The following PLEKHG4B variants were observed in gnomAD, a reference collection of about 807,000 sequenced individuals.
PLEKHG4B encodes pleckstrin homology domain-containing family G member 4B.
In PLEKHG4B, 111 loss-of-function variants were observed where a neutral mutation model predicts 121.3. The ratio of observed to expected loss-of-function variants is 0.92; its 90% CI spans 0.78 to 1.07. PLEKHG4B has a LOEUF of 1.07. Among genes scored for constraint, PLEKHG4B ranks in the 50% least tolerant of loss-of-function variants. The probability of loss-of-function intolerance (pLI) is 0.00; values close to 1 mark genes in which losing one functional copy is unlikely to be tolerated. For synonymous variants in PLEKHG4B, 738 were observed against 725.0 expected, an observed-to-expected ratio of 1.02 and a Z score of -0.29; for missense variants, 1,831 against 1,757.8, an observed-to-expected ratio of 1.04 and a Z score of -0.74.
At chr5:130,101 C>A (rs1734735848) in intron 2 of PLEKHG4B, among the ~76,000 whole-genome samples, 1 of 149,622 alleles carries the variant, frequency 6.7e-6, no homozygotes, top group Non-Finnish European at 1.5e-5. Flanking sequence ...AACATGCTTT[C>A]TCATCAGAAA....
chr5:169,179 C>CT lies in PLEKHG4B; in HGVS notation c.3477-155dup, dbSNP rs954246592. 32 of 996,980 alleles carry CT rather than the reference C, an allele frequency of 3.2e-5. No individual in the cohort carries two copies. In the Admixed American group the frequency reaches 3.6e-4, roughly 11 times the overall value. The allele number at this position is 996,980 out of a possible 1,614,324, so 61.8% of individuals were successfully genotyped here. Reference sequence around the variant, plus strand: ...ACGAGCCCCCACGCCTGGCCGGAAGCTTTTTTATCGTGCATCCCACATGTG... The same window carrying CT: ...ACGAGCCCCCACGCCTGGCCGGAAGCTTTTTTTATCGTGCATCCCACATGTG... On this transcript the variant is annotated intron_variant, in intron 13 of 19. Coordinates refer to ENST00000637938, the MANE Select transcript of PLEKHG4B (RefSeq NM_052909.5).
chr5:154,737 C>G, intron 7 of PLEKHG4B, 138 bp from the exon 8 acceptor site: 1 of 581,858 alleles, frequency 1.7e-6, no homozygotes, highest in South Asian at 1.8e-5. Context: ...GTGCTATTAT[C>G]AGTGCTTCCA....
At position 139,468 on chromosome 5, in the gene PLEKHG4B, C is replaced by T. The variant is rs1735083052; in HGVS notation, c.244-15C>T. On this transcript the variant is annotated splice_polypyrimidine_tract_variant and intron_variant, in intron 2 of 19. Coordinates refer to ENST00000637938, the MANE Select transcript of PLEKHG4B (RefSeq NM_052909.5). The surrounding 1 kb of genome is among the most constrained non-coding windows in gnomAD (Gnocchi z 5.0). ...GGCCGTGCCCACCACTAACCTCCCT[C>T]CTCTCTTGTCTCAGGCCAGGTACAG... 3 of 398,992 alleles carry T rather than the reference C, an allele frequency of 7.5e-6. No individual in the cohort carries two copies. Among genetic ancestry groups the T allele is most frequent in the East Asian group, 7.1e-5 (2 of 28,078 alleles). The allele number at this position is 398,992 out of a possible 1,614,324, so 24.7% of individuals were successfully genotyped here.
chr5:156,739 C>T lies in PLEKHG4B; in HGVS notation c.2349-34C>T, dbSNP rs1735794554. On this transcript the variant is annotated intron_variant, in intron 10 of 19. Transcript: ENST00000637938. The surrounding 1 kb of genome is among the most constrained non-coding windows in gnomAD (Gnocchi z 4.4). ...CAAGAGCAGATTCCTCAAGGGGCCGCCTGGAAGCCTGAGGACTGCCTTCTC... is the reference window on the plus strand; with the variant it reads ...CAAGAGCAGATTCCTCAAGGGGCCGTCTGGAAGCCTGAGGACTGCCTTCTC... 1 of 1,532,878 alleles carries T rather than the reference C, an allele frequency of 6.5e-7. No individual in the cohort carries two copies. Among genetic ancestry groups the T allele is most frequent in the Non-Finnish European group, 8.8e-7 (1 of 1,135,310 alleles). 95.0% of individuals were successfully genotyped at this position (1,532,878 alleles called of 1,614,324 possible).
At position 171,277 on chromosome 5, in the gene PLEKHG4B, C is replaced by T. The variant is rs1414906899; in HGVS notation, c.3883C>T (p.Arg1295Cys). Residue 1295 changes from arginine (R) to cysteine (C), a missense_variant, in exon 16 of 20, where the codon CGT (arginine) becomes TGT (cysteine). By Grantham distance (180) the Arg-to-Cys change is radical (BLOSUM62 -3). Coordinates refer to ENST00000637938, the MANE Select transcript of PLEKHG4B (RefSeq NM_052909.5). ...LASYLLRPVQRVAKYALLLQD... is the reference protein window; with the variant it reads ...LASYLLRPVQCVAKYALLLQD... ...CTCCTACCTGCTGCGGCCCGTGCAG[C>T]GTGTGGCCAAGTACGCGCTGCTACT... is the stretch of plus-strand genomic sequence containing the variant. 1.1e-5 allele frequency: 18 copies of T among 1,611,590 alleles called. No homozygotes were observed. Among genetic ancestry groups the T allele is most frequent in the African/African-American group, 2.7e-5 (2 of 74,904 alleles).
chr5:131,086 C>T (rs1156479028), intron 2 of PLEKHG4B, among the ~76,000 whole-genome samples: 1 of 151,586 alleles, frequency 6.6e-6, no homozygotes, highest in Non-Finnish European at 1.5e-5. Context: ...ATGCCCCACG[C>T]CTCTGCAAGT....
At chr5:128,607 C>G (rs945238039) in intron 2 of PLEKHG4B, among the ~76,000 whole-genome samples, 45 of 152,292 alleles carry the variant, frequency 3.0e-4, no homozygotes, top group African/African-American at 1.1e-3. Flanking sequence ...CCAGTGGGGC[C>G]AAGAGCTGAA....
intron 2 of PLEKHG4B, among the ~76,000 whole-genome samples, chr5:125,707 T>C (rs1579259511): frequency 6.6e-6 from 1 of 152,228 alleles, no homozygotes; most frequent in East Asian, 1.9e-4. Context: ...GAAATCTTTA[T>C]TTCTTCATAG....
rs116548696 is a variant in PLEKHG4B at position 124,644 on chromosome 5, C to T, written c.243+11196C>T. 4.9e-3 allele frequency among the ~76,000 whole-genome samples: 751 copies of T among 152,288 alleles called. 3 individuals are homozygous for T. Among genetic ancestry groups the T allele is most frequent in the African/African-American group, 0.014 (569 of 41,542 alleles). ...CCTTTTCTTAATATATAAGGTTCTT[C>T]ATGGTATCTGGTAACATTTTATGAT... On this transcript the variant is annotated intron_variant, in intron 2 of 19. Transcript: ENST00000637938.
At chr5:170,955 G>T (rs753117884) in intron 14 of PLEKHG4B, 88 bp from the exon 15 acceptor site, 157 of 1,042,412 alleles carry the variant, frequency 1.5e-4, no homozygotes, top group Non-Finnish European at 2.2e-4. Flanking sequence ...TGGGACGGGA[G>T]CAGTTCCAAG....
Position 182,188 on chromosome 5 carries a change from C to A in PLEKHG4B, c.4749C>A (p.Ala1583=). The A allele has an allele frequency of 6.2e-7, 1 of 1,613,984 alleles. No individual in the cohort carries two copies. Among genetic ancestry groups the A allele is most frequent in the South Asian group, 1.1e-5 (1 of 91,086 alleles). The part of the protein sequence containing the change: ...SPAHPGLWSP[A]HSPWSSDIRA... ...CCCACCCGGGCCTATGGAGCCCTGC[C>A]CACAGCCCCTGGTCATCTGATATCA... Residue 1583 remains alanine, a synonymous_variant, in exon 20 of 20, where the codon GCC becomes GCA. Transcript: ENST00000637938.
In PLEKHG4B at chr5:188,970, C is replaced by T. The variant is rs1312933003; in HGVS notation, c.*6647C>T. The T allele has an allele frequency of 6.6e-6, 1 of 152,288 alleles. No individual in the cohort carries two copies. Among genetic ancestry groups the T allele is most frequent in the African/African-American group, 2.4e-5 (1 of 41,478 alleles). The allele number at this position is 152,288 out of a possible 1,614,324, so 9.4% of individuals were successfully genotyped here. ...GACGTGAGTAACAGCAGTTTTTCTT[C>T]TGACAGCTGGGATGGAGGTGGGTCC... On this transcript the variant is annotated 3_prime_UTR_variant, in exon 20 of 20. Coordinates refer to ENST00000637938, the MANE Select transcript of PLEKHG4B (RefSeq NM_052909.5).
intron 1 of PLEKHG4B, among the ~76,000 whole-genome samples, chr5:100,149 T>A (rs527774159): frequency 6.6e-6 from 1 of 152,202 alleles, no homozygotes; most frequent in Non-Finnish European, 1.5e-5. Context: ...GATTTAGAAC[T>A]AATTTTTTGA....
In PLEKHG4B at chr5:172,995, C is replaced by T. The variant is rs1003564319; in HGVS notation, c.4149C>T (p.Asp1383=). 3 of 1,614,006 alleles carry T rather than the reference C, an allele frequency of 1.9e-6. No individual in the cohort carries two copies. Among genetic ancestry groups the T allele is most frequent in the Non-Finnish European group, 2.5e-6 (3 of 1,180,018 alleles). ...KYLRHVFLFE[D]LILFSKTQKV... is the part of the protein sequence containing the mutation. ...TGAGGCATGTGTTCCTCTTTGAAGA[C>T]CTCATCCTGTTTAGCAAGACCCAGA... The change falls in exon 17 of 20, where the codon GAC becomes GAT. Residue 1383 remains aspartate (D), a synonymous_variant. Transcript: ENST00000637938.
chr5:162,631 A>G, intron 12 of PLEKHG4B, 91 bp from the exon 13 acceptor site: 1 of 989,164 alleles, frequency 1.0e-6, no homozygotes, highest in Non-Finnish European at 1.3e-6. Flanking sequence ...CTGGTCCCTG[A>G]ATAGGCTGAC....
intron 2 of PLEKHG4B, among the ~76,000 whole-genome samples, chr5:129,857 C>G (rs982189600): frequency 1.3e-5 from 2 of 151,948 alleles, no homozygotes; most frequent in African/African-American, 4.8e-5. Flanking sequence ...AATTGCCAGT[C>G]CTGACCACTC....
chr5:92,717 CTGAAGGGGAGCCAG>C (rs1354427038), intron 1 of PLEKHG4B, among the ~76,000 whole-genome samples: 10 of 151,812 alleles, frequency 6.6e-5, no homozygotes, highest in African/African-American at 1.9e-4. Context: ...CTCTCGGTGC[CTGAAGGGGAGCCAG>C]GGGAGGGGAG....
Position 140,413 on chromosome 5 carries a change from G to T in PLEKHG4B, c.1174G>T (p.Ala392Ser). The T allele has an allele frequency of 6.4e-7, 1 of 1,556,768 alleles. No individual in the cohort carries two copies. Among genetic ancestry groups the T allele is most frequent in the Non-Finnish European group, 8.7e-7 (1 of 1,151,248 alleles). Residue 392 changes from alanine (A) to serine (S), a missense_variant, in exon 3 of 20, where the codon GCA becomes TCA. Ala to Ser is a moderately conservative substitution (Grantham distance 99). Transcript: ENST00000637938. ...TGASRDLGTG[A>S]VASGTQEETS... ...AGCCAGCAGGGACCTGGGGACTGGG[G>T]CAGTAGCCAGTGGGACCCAGGAGGA...
intron 7 of PLEKHG4B, among the ~76,000 whole-genome samples, chr5:152,361 C>G (rs996639259): frequency 3.3e-5 from 5 of 150,832 alleles, no homozygotes; most frequent in Non-Finnish European, 7.4e-5. Context: ...AAGGTGTGCA[C>G]CCCCATGCCA....
Sources: allele counts gnomAD v4.1 joint callset (sites outside exome capture counted in the v4.1 genomes callset), GRCh38; gene constraint gnomAD v4.1.1; non-coding constraint Gnocchi (gnomAD v3.1); transcripts MANE v1.5; gene names NCBI Gene and HGNC (gene_info 2026-07-23, HGNC 2026-07-21).